The following SDHA variants were observed in gnomAD, a reference collection of about 807,000 sequenced individuals.
The protein encoded by SDHA is succinate dehydrogenase [ubiquinone] flavoprotein subunit, mitochondrial.
A neutral mutation model predicts 78.4 loss-of-function variants in SDHA; 48 were observed. The ratio of observed to expected loss-of-function variants is 0.61; its 90% CI spans 0.49 to 0.78. The LOEUF is 0.78. Ranked by LOEUF, SDHA falls within the 30% of genes least tolerant of loss-of-function variation. SDHA has a pLI of 0.00. For missense variants in SDHA, 680 were observed against 892.7 expected, an observed-to-expected ratio of 0.76 and a Z score of 3.04; for synonymous variants, 326 against 353.9, an observed-to-expected ratio of 0.92 and a Z score of 0.88.
intron 11 of SDHA, among the ~76,000 whole-genome samples, chr5:245,987 A>C (rs746638549): frequency 6.6e-6 from 1 of 152,252 alleles, no homozygotes; most frequent in Non-Finnish European, 1.5e-5. Context: ...TCCTTAGAGG[A>C]GATCCTGGTC....
chr5:262,321 AGAG>A, the SDHA span, among the ~76,000 whole-genome samples: 13 of 109,886 alleles, frequency 1.2e-4, 1 homozygote, highest in African/African-American at 2.6e-4. Context: ...GCCTCCCGTC[AGAG>A]CATTACCGTG....
chr5:231,937 C>T (rs529200607), intron 7 of SDHA, among the ~76,000 whole-genome samples: 12 of 152,146 alleles, frequency 7.9e-5, no homozygotes, highest in African/African-American at 2.6e-4. Flanking sequence ...GTTGAGGTTA[C>T]GAATGTGCAA....
At position 235,304 on chromosome 5, in the gene SDHA, A is replaced by T. The variant is rs1404377989; in HGVS notation, c.1225A>T (p.Asn409Tyr). The stretch of plus-strand genomic sequence containing the variant: ...CCCTGTCCTCCCCACCGTGCATTAT[A>T]ACATGGGCGGCATTCCCACCAACTA... ...PIPVLPTVHY[N>Y]MGGIPTNYKG... The change falls in exon 9 of 15, where the codon AAC becomes TAC. Residue 409 changes from asparagine to tyrosine, a missense_variant. By Grantham distance (143) the Asn-to-Tyr change is moderately radical. Coordinates refer to ENST00000264932, the MANE Select transcript of SDHA (RefSeq NM_004168.4). 1 of 1,614,184 alleles carries T rather than the reference A, an allele frequency of 6.2e-7. No individual in the cohort carries two copies. Among genetic ancestry groups the T allele is most frequent in the Admixed American group, 1.7e-5 (1 of 60,028 alleles).
At position 236,521 on chromosome 5, in the gene SDHA, C is replaced by T. The variant is rs1064796477; in HGVS notation, c.1354C>T (p.Leu452Phe). The change falls in exon 10 of 15, where the codon CTC becomes TTC. Residue 452 changes from leucine (L) to phenylalanine (F), a missense_variant. Transcript: ENST00000264932. ...ACASVHGANR[L>F]GANSLLDLVV... ...TGCCTCGGTACATGGTGCCAACCGC[C>T]TCGGGGCAAACTCGCTCTTGGACCT... The T allele has an allele frequency of 7.4e-6, 12 of 1,614,068 alleles. No homozygotes were observed. The highest frequency in any genetic ancestry group is 1.0e-5 in the Non-Finnish European group (12 of 1,179,890).
At chr5:236,041 T>G in intron 9 of SDHA, 1 of 296,170 alleles carries the variant, frequency 3.4e-6, no homozygotes, top group Non-Finnish European at 6.6e-6. Flanking sequence ...TTTTTTTTCT[T>G]GGAGATGCAG....
At position 230,906 on chromosome 5, in the gene SDHA, G is replaced by A. The variant is rs543630901; in HGVS notation, c.801G>A (p.Thr267=). 93 of 1,613,990 alleles carry A rather than the reference G, an allele frequency of 5.8e-5. No individual in the cohort carries two copies. Among genetic ancestry groups the A allele is most frequent in the Middle Eastern group, 1.6e-4 (1 of 6,084 alleles). ...GGYGRTYFSC[T]SAHTSTGDGT... is the part of the protein sequence containing the mutation. ...ACGGGCGCACCTACTTCAGCTGCACGTCTGCCCACACCAGCACTGGCGACG... is the reference window on the plus strand; with the variant it reads ...ACGGGCGCACCTACTTCAGCTGCACATCTGCCCACACCAGCACTGGCGACG... Residue 267 remains threonine (T), a synonymous_variant, in exon 7 of 15, where the codon ACG becomes ACA. Transcript: ENST00000264932.
intron 6 of SDHA, among the ~76,000 whole-genome samples, chr5:228,623 A>C (rs190366571): frequency 5.4e-4 from 83 of 152,308 alleles, no homozygotes; most frequent in African/African-American, 1.9e-3. Context: ...CTGTGGCCCA[A>C]AGAGTCAACA....
intron 12 of SDHA, 94 bp downstream of exon 12, chr5:251,197 C>T (rs1489703906): frequency 1.3e-6 from 2 of 1,513,200 alleles, no homozygotes; most frequent in Non-Finnish European, 1.8e-6. Flanking sequence ...TAGTTCCGTG[C>T]TTGCTGTCTG....
intron 6 of SDHA, among the ~76,000 whole-genome samples, chr5:230,131 A>G (rs1735300200): frequency 6.6e-6 from 1 of 152,222 alleles, no homozygotes; most frequent in African/African-American, 2.4e-5. Context: ...GAGGTGATAG[A>G]TGTGTATTAA....
intron 13 of SDHA, 180 bp from the exon 14 acceptor site, chr5:254,212 CT>C (rs1398286592): frequency 3.5e-4 from 186 of 525,982 alleles, no homozygotes; most frequent in African/African-American, 3.2e-3. Flanking sequence ...TGCACACCCC[CT>C]GGCCAGCCAT....
At chr5:252,258 G>A (rs1344706594) in intron 13 of SDHA, among the ~76,000 whole-genome samples, 27 of 116,222 alleles carry the variant, frequency 2.3e-4, no homozygotes, top group African/African-American at 3.6e-4. Flanking sequence ...ACCGTTTCAA[G>A]CCTGCCCTGT....
downstream of SDHA, among the ~76,000 whole-genome samples, chr5:259,891 A>T (rs1490967400): frequency 3.2e-5 from 1 of 31,196 alleles, no homozygotes. Context: ...CTCCCGTCAC[A>T]GCATTACCGT....
downstream of SDHA, among the ~76,000 whole-genome samples, chr5:258,530 C>CTG (rs1186563311): frequency 1.1e-5 from 1 of 93,388 alleles, no homozygotes; most frequent in African/African-American, 9.0e-5. Flanking sequence ...CAGAGCATTA[C>CTG]TGTGAGCTCC....
downstream of SDHA, among the ~76,000 whole-genome samples, chr5:258,356 C>G (rs1456780345): frequency 7.7e-6 from 1 of 130,086 alleles, no homozygotes; most frequent in Admixed American, 7.3e-5. Context: ...GTGAGCTCCT[C>G]CTCCTGTCAG....
At chr5:255,866 A>C (rs1314864146) in intron 14 of SDHA, among the ~76,000 whole-genome samples, 2 of 152,236 alleles carry the variant, frequency 1.3e-5, no homozygotes, top group African/African-American at 4.8e-5. Context: ...CTGTGTGTGC[A>C]TATTTAATAC....
rs201467138 is a variant in SDHA, at chr5:257,021, T to TCTCAAACTCCTGGG, written c.*606_*607insACTCCTGGGCTCAA. Among the ~76,000 whole-genome samples the TCTCAAACTCCTGGG allele has an allele frequency of 0.24, 36,070 of 151,294 alleles. 6,730 individuals are homozygous for TCTCAAACTCCTGGG. The highest frequency in any genetic ancestry group is 0.52 in the African/African-American group (21,454 of 40,980). On this transcript the variant is annotated 3_prime_UTR_variant, in exon 15 of 15. Coordinates refer to ENST00000264932, the MANE Select transcript of SDHA (RefSeq NM_004168.4). The stretch of plus-strand genomic sequence containing the variant: ...GGTCTCACTGTGTTGCCTAGGCTGG[T>TCTCAAACTCCTGGG]CTCAAGTGATCCTCCCTCCTTGGCC...
intron 11 of SDHA, among the ~76,000 whole-genome samples, chr5:241,491 C>T (rs907693567): frequency 2.0e-4 from 31 of 152,106 alleles, no homozygotes. Context: ...TGCTGGGAGT[C>T]GGTCCAGTAG....
chr5:225,028 A>G (rs1251414950), intron 3 of SDHA, among the ~76,000 whole-genome samples: 1 of 152,168 alleles, frequency 6.6e-6, no homozygotes, highest in African/African-American at 2.4e-5. Context: ...TCTTTAACAC[A>G]TGCCCGTAAA....
chr5:237,894 A>G (rs4957003), intron 10 of SDHA, among the ~76,000 whole-genome samples: 88,526 of 126,406 alleles, frequency 0.7, 34,316 homozygotes, highest in Non-Finnish European at 0.75. Flanking sequence ...ATCCCCAGCC[A>G]TTGGTGATCA....
Sources: gnomAD v4.1 joint callset for allele counts (sites outside exome capture counted in the v4.1 genomes callset) on GRCh38, gnomAD v4.1.1 for gene constraint, MANE v1.5 for transcripts, NCBI Gene and HGNC (gene_info 2026-07-23, HGNC 2026-07-21) for gene names.